The following MEIS2 variants were observed in gnomAD, a reference collection of about 807,000 sequenced individuals.
MEIS2 encodes the protein homeobox protein Meis2.
MEIS2 carries 9 observed loss-of-function variants against 58.6 expected under a neutral mutation model. That is an observed-to-expected ratio of 0.15 (90% confidence interval 0.09 to 0.27). MEIS2 has a LOEUF of 0.27. Ranked by LOEUF, MEIS2 falls within the 10% of genes least tolerant of loss-of-function variation. MEIS2 has a pLI of 1.00. For synonymous variants in MEIS2, 221 were observed against 228.4 expected (o/e 0.97, Z 0.29); for missense variants, 427 against 635.0 (o/e 0.67, Z 3.52).
chr15:36,906,192 T>C (rs1158566223), intron 9 of MEIS2, among the ~76,000 whole-genome samples: 4 of 152,200 alleles, frequency 2.6e-5, no homozygotes, highest in African/African-American at 4.8e-5. Flanking sequence ...GTAGAGGTTC[T>C]TGAGTGATAA....
rs768355698 is a variant in MEIS2 at position 37,098,031 on chromosome 15, T to G, written c.181A>C (p.Met61Leu). 6.2e-7 allele frequency: 1 copy of G among 1,612,732 alleles called. No individual in the cohort carries two copies. Among genetic ancestry groups the G allele is most frequent in the African/African-American group, 1.3e-5 (1 of 74,872 alleles). ...ACAGCGGATCCCATACTGGCCGGCATGACATTGGGGTGCGGGGCGTGCGCG... is the reference window on the plus strand; with the variant it reads ...ACAGCGGATCCCATACTGGCCGGCAGGACATTGGGGTGCGGGGCGTGCGCG... ...YGAHAPHPNV[M>L]PASMGSAVND... The change falls in exon 2 of 12, where the codon ATG becomes CTG. Residue 61 changes from methionine to leucine, a missense_variant. Met to Leu is a conservative substitution (Grantham distance 15). This residue lies in a region of MEIS2 where 103 missense variants were observed against 111.8 expected (regional missense o/e 0.92). Transcript: ENST00000561208.
rs562498154 is a variant in MEIS2 at position 36,955,993 on chromosome 15, C to T, written c.901-5593G>A. ...GAGATCGAGCCCATCCTGGCTAACA[C>T]GGTGAAACCCCGTTTCTACTAAAAA... On this transcript the variant is annotated intron_variant, in intron 8 of 11. Transcript: ENST00000561208. Among the ~76,000 whole-genome samples the T allele has an allele frequency of 1.3e-4, 16 of 121,510 alleles. No homozygotes were observed. The South Asian group carries it at 3.6e-3, about 27-fold the overall frequency. 79.7% of individuals were successfully genotyped at this position (121,510 alleles called of 152,430 possible).
At chr15:37,058,568 G>T (rs1043440434) in intron 7 of MEIS2, among the ~76,000 whole-genome samples, 4 of 152,216 alleles carry the variant, frequency 2.6e-5, no homozygotes, top group African/African-American at 9.6e-5. Context: ...TCAAAAGGTT[G>T]TATCATGTGA....
At chr15:36,942,245 T>C (rs2058402216) in intron 9 of MEIS2, among the ~76,000 whole-genome samples, 1 of 152,100 alleles carries the variant, frequency 6.6e-6, no homozygotes, top group Admixed American at 6.6e-5. Flanking sequence ...GGAAACAAGG[T>C]TTTCTATTAT....
intron 7 of MEIS2, among the ~76,000 whole-genome samples, chr15:37,049,645 C>A (rs1169594521): frequency 6.6e-6 from 1 of 151,930 alleles, no homozygotes; most frequent in African/African-American, 2.4e-5. Context: ...CGCCACCATG[C>A]CTGGCTAATT....
chr15:36,929,320 A>G (rs1019772195), intron 9 of MEIS2, among the ~76,000 whole-genome samples: 3 of 152,218 alleles, frequency 2.0e-5, no homozygotes, highest in Admixed American at 1.3e-4. Context: ...CCAAAGACCA[A>G]TAAATATCAG....
intron 7 of MEIS2, among the ~76,000 whole-genome samples, chr15:37,070,860 T>A (rs1890608444): frequency 6.6e-6 from 1 of 152,068 alleles, no homozygotes; most frequent in Admixed American, 6.6e-5. Flanking sequence ...AGAGAGAATG[T>A]CAAAGCTTTA....
intron 8 of MEIS2, among the ~76,000 whole-genome samples, chr15:36,958,231 A>G (rs2059058021): frequency 6.6e-6 from 1 of 152,160 alleles, no homozygotes; most frequent in Non-Finnish European, 1.5e-5. Flanking sequence ...AAAAAGAGCA[A>G]AGAGAAAAGC....
At chr15:36,927,076 T>C (rs1336128852) in intron 9 of MEIS2, among the ~76,000 whole-genome samples, 1 of 152,210 alleles carries the variant, frequency 6.6e-6, no homozygotes, top group African/African-American at 2.4e-5. Flanking sequence ...TTCCTACCGA[T>C]GTGCTTGGCA....
chr15:36,965,396 A>G (rs777780339), intron 8 of MEIS2, among the ~76,000 whole-genome samples: 3 of 152,234 alleles, frequency 2.0e-5, no homozygotes, highest in Non-Finnish European at 4.4e-5. Context: ...AATGCAAGGC[A>G]ATGAATTTCT....
At chr15:36,893,247 T>A (rs1232919289) in intron 11 of MEIS2, among the ~76,000 whole-genome samples, 1 of 152,202 alleles carries the variant, frequency 6.6e-6, no homozygotes, top group Non-Finnish European at 1.5e-5. Flanking sequence ...TTTATTGAAT[T>A]AAGGTTATAT....
intron 8 of MEIS2, among the ~76,000 whole-genome samples, chr15:37,027,692 T>C (rs777130739): frequency 3.9e-5 from 6 of 152,190 alleles, no homozygotes; most frequent in Non-Finnish European, 8.8e-5. Context: ...GAGCTAATAA[T>C]TATTTTGGTT....
At chr15:37,090,235 T>C (rs536565122) in intron 6 of MEIS2, among the ~76,000 whole-genome samples, 15 of 152,114 alleles carry the variant, frequency 9.9e-5, no homozygotes, top group African/African-American at 3.6e-4. Flanking sequence ...GCATTATAAA[T>C]TTACTAAATA....
At chr15:37,062,329 AAAG>A (rs1263380927) in intron 7 of MEIS2, among the ~76,000 whole-genome samples, 10 of 152,242 alleles carry the variant, frequency 6.6e-5, no homozygotes, top group Admixed American at 1.3e-4. Context: ...TCTTAGAGAA[AAAG>A]AAGGATTGCT....
intron 7 of MEIS2, among the ~76,000 whole-genome samples, chr15:37,045,785 G>C (rs1468951398): frequency 2.0e-5 from 3 of 152,148 alleles, no homozygotes; most frequent in Non-Finnish European, 4.4e-5. Flanking sequence ...TGGCCCGCTA[G>C]CATGGAGGGA....
At chr15:36,914,281 T>A (rs534693196) in intron 9 of MEIS2, among the ~76,000 whole-genome samples, 1 of 152,270 alleles carries the variant, frequency 6.6e-6, no homozygotes, top group South Asian at 2.1e-4. Flanking sequence ...TGTGCCAGAG[T>A]ATTCAAGACA....
intron 8 of MEIS2, among the ~76,000 whole-genome samples, chr15:37,017,261 T>C (rs984525403): frequency 2.6e-5 from 4 of 151,986 alleles, no homozygotes; most frequent in East Asian, 3.9e-4. Flanking sequence ...AAAGAGAACA[T>C]GGTAAAGGAG....
intron 8 of MEIS2, among the ~76,000 whole-genome samples, chr15:36,967,576 G>C (rs1384358481): frequency 6.6e-6 from 1 of 152,114 alleles, no homozygotes; most frequent in Non-Finnish European, 1.5e-5. Context: ...CCCAAAACCG[G>C]TATAGCTCCA....
intron 7 of MEIS2, among the ~76,000 whole-genome samples, chr15:37,037,165 A>C (rs2141737875): frequency 6.6e-6 from 1 of 152,346 alleles, no homozygotes; most frequent in African/African-American, 2.4e-5. Context: ...TGTGTCTCAC[A>C]CTTGCCCATA....
Sources: allele counts gnomAD v4.1 joint callset (sites outside exome capture counted in the v4.1 genomes callset), GRCh38; gene constraint gnomAD v4.1.1; regional missense constraint gnomAD v4.1.1; transcripts MANE v1.5; gene names NCBI Gene and HGNC (gene_info 2026-07-23, HGNC 2026-07-21).